UBE2K: variants seen among roughly 807,000 people sequenced by gnomAD.
UBE2K encodes ubiquitin conjugating enzyme E2 K, also known as ubiquitin-conjugating enzyme E2 K.
A neutral mutation model predicts 30.0 loss-of-function variants in UBE2K; 6 were observed. The ratio of observed to expected loss-of-function variants is 0.20; its 90% CI spans 0.11 to 0.39. UBE2K has a LOEUF of 0.39. Ranked by LOEUF, UBE2K falls within the 10% of genes least tolerant of loss-of-function variation. The pLI is 1.00. For missense variants in UBE2K, 61 were observed against 241.6 expected (o/e 0.25, Z 4.96); for synonymous variants, 86 against 83.7 (o/e 1.03, Z -0.15).
chr4:39,770,625 G>A (rs1712732721), intron 4 of UBE2K: 2 of 1,598,488 alleles, frequency 1.3e-6, no homozygotes, highest in Admixed American at 3.4e-5. Context: ...CTCCCCTTCT[G>A]CGTTCTCCGA....
intron 1 of UBE2K, among the ~76,000 whole-genome samples, chr4:39,712,930 A>G (rs1718795708): frequency 6.7e-6 from 1 of 148,442 alleles, no homozygotes; most frequent in African/African-American, 2.5e-5. Context: ...CCGTGGCGCG[A>G]TCTTGGCTCG....
intron 5 of UBE2K, 76 bp downstream of exon 5, chr4:39,775,009 C>T (rs1010646319): frequency 4.7e-6 from 4 of 851,970 alleles, no homozygotes; most frequent in Non-Finnish European, 5.2e-6. Flanking sequence ...TGCACATTAA[C>T]ACATGAGCAT....
intron 4 of UBE2K, chr4:39,771,002 T>C: frequency 6.2e-7 from 1 of 1,610,630 alleles, no homozygotes; most frequent in Admixed American, 1.7e-5. Context: ...GCGCTGACGC[T>C]GCTCACAAGG....
chr4:39,768,961 G>A (rs796254337), intron 4 of UBE2K, among the ~76,000 whole-genome samples: 14 of 152,216 alleles, frequency 9.2e-5, no homozygotes, highest in African/African-American at 3.1e-4. Context: ...AAATAGCTGG[G>A]ATTAGAGGTG....
Position 39,770,171 on chromosome 4 carries a change from A to G in UBE2K, c.300-4663A>G, listed in dbSNP as rs1315146767. ...CGTGTTGCTCCTTGAGATGCCGCCT[A>G]ATGGCAGGCTTGTGGGCGAAGCGCA... On this transcript the variant is annotated intron_variant, in intron 4 of 6. Coordinates refer to ENST00000261427, the MANE Select transcript of UBE2K (RefSeq NM_005339.5). 3.7e-6 allele frequency: 6 copies of G among 1,608,080 alleles called. No homozygotes were observed. The Admixed American group carries it at 1.0e-4, about 27-fold the overall frequency.
chr4:39,733,924 G>A (rs10012529), intron 1 of UBE2K, among the ~76,000 whole-genome samples: 101 of 152,158 alleles, frequency 6.6e-4, no homozygotes, highest in African/African-American at 2.4e-3. Context: ...TTCGCTTGTG[G>A]GAGCAGGGGG....
intron 4 of UBE2K, among the ~76,000 whole-genome samples, chr4:39,760,711 C>T (rs1711875709): frequency 6.6e-6 from 1 of 152,086 alleles, no homozygotes; most frequent in Admixed American, 6.6e-5. Flanking sequence ...TCCTGGCTAA[C>T]ACGGTGAAAC....
At chr4:39,746,833 C>T (rs1721010625) in intron 3 of UBE2K, among the ~76,000 whole-genome samples, 1 of 152,220 alleles carries the variant, frequency 6.6e-6, no homozygotes, top group Non-Finnish European at 1.5e-5. Context: ...TTCTCCCTCT[C>T]CTCTCTCAGT....
intron 6 of UBE2K, 83 bp downstream of exon 6, chr4:39,777,893 G>C: frequency 7.8e-7 from 1 of 1,289,474 alleles, no homozygotes. Context: ...AAGTGGTTTA[G>C]AAAATAAGAG....
intron 5 of UBE2K, among the ~76,000 whole-genome samples, chr4:39,776,044 T>C (rs1713266461): frequency 6.6e-6 from 1 of 152,214 alleles, no homozygotes; most frequent in Admixed American, 6.5e-5. Flanking sequence ...TGTTTAGGCT[T>C]GCCCTCTCTC....
At chr4:39,715,507 A>G (rs1719012336) in intron 1 of UBE2K, among the ~76,000 whole-genome samples, 1 of 150,302 alleles carries the variant, frequency 6.7e-6, no homozygotes, top group Non-Finnish European at 1.5e-5. Flanking sequence ...AGGGTTTTTC[A>G]CGATGTTGGC....
rs1321130665 is a variant in UBE2K, at chr4:39,781,876, G to A, written c.*3442G>A. The A allele has an allele frequency of 5.0e-6, 2 of 398,176 alleles. No homozygotes were observed. Among genetic ancestry groups the A allele is most frequent in the African/African-American group, 4.1e-5 (2 of 48,608 alleles). 24.7% of individuals were successfully genotyped at this position (398,176 alleles called of 1,614,324 possible). On this transcript the variant is annotated 3_prime_UTR_variant, in exon 7 of 7. Coordinates refer to ENST00000261427, the MANE Select transcript of UBE2K (RefSeq NM_005339.5). Reference sequence around the variant, plus strand: ...CCATTCTTTTTAGTATCAGTTTAAAGTAAATGCTTACCATCAGCCAGTTGC... The same window carrying A: ...CCATTCTTTTTAGTATCAGTTTAAAATAAATGCTTACCATCAGCCAGTTGC...
rs188384323 is a variant in UBE2K, at chr4:39,708,505, T to C, written c.63+10115T>C. 2.7e-3 allele frequency among the ~76,000 whole-genome samples: 415 copies of C among 152,208 alleles called. 2 individuals are homozygous for C. The highest frequency in any genetic ancestry group is 4.2e-3 in the Non-Finnish European group (285 of 67,968). ...TACCATGGGAATCTGCCTGCCTTTC[T>C]AGTTACTTTCCTGACTTCTAATAAC... is the stretch of plus-strand genomic sequence containing the variant. On this transcript the variant is annotated intron_variant, in intron 1 of 6. Coordinates refer to ENST00000261427, the MANE Select transcript of UBE2K (RefSeq NM_005339.5).
intron 1 of UBE2K, among the ~76,000 whole-genome samples, chr4:39,702,634 TAA>T (rs890713536): frequency 2.6e-5 from 4 of 152,176 alleles, no homozygotes; most frequent in African/African-American, 4.8e-5. Context: ...TATAGTACAT[TAA>T]GTTTTCCCTC....
At chr4:39,705,419 G>A (rs542521127) in intron 1 of UBE2K, among the ~76,000 whole-genome samples, 2 of 150,622 alleles carry the variant, frequency 1.3e-5, no homozygotes, top group Non-Finnish European at 3.0e-5. Context: ...GGCTGGTCTC[G>A]AACCCCTGAC....
chr4:39,719,772 T>G (rs1416384173), intron 1 of UBE2K, among the ~76,000 whole-genome samples: 1 of 152,248 alleles, frequency 6.6e-6, no homozygotes, highest in Non-Finnish European at 1.5e-5. Context: ...TTATGCTTTT[T>G]CTTAAATCAC....
In UBE2K at chr4:39,779,906, A is replaced by T. The variant is rs1023679998; in HGVS notation, c.*1472A>T. ...AAATTATAATCGTTAAATGTTTGGAAGATAATTTTTGAATCATAACGTCAG... is the reference window on the plus strand; with the variant it reads ...AAATTATAATCGTTAAATGTTTGGATGATAATTTTTGAATCATAACGTCAG... On this transcript the variant is annotated 3_prime_UTR_variant, in exon 7 of 7. Coordinates refer to ENST00000261427, the MANE Select transcript of UBE2K (RefSeq NM_005339.5). 1 of 152,180 alleles carries T rather than the reference A, an allele frequency of 6.6e-6. No homozygotes were observed. The highest frequency in any genetic ancestry group is 2.4e-5 in the African/African-American group (1 of 41,470). 9.4% of individuals were successfully genotyped at this position (152,180 alleles called of 1,614,324 possible). A position where few individuals can be genotyped will look rare whatever the true frequency, so the allele number is the denominator to read the frequency against.
intron 4 of UBE2K, chr4:39,770,763 C>T: frequency 6.3e-7 from 1 of 1,582,692 alleles, no homozygotes; most frequent in East Asian, 2.2e-5. Context: ...TCCCAGGCCT[C>T]CAGGGGGCTT....
intron 4 of UBE2K, among the ~76,000 whole-genome samples, chr4:39,772,873 A>G (rs977455599): frequency 3.3e-5 from 5 of 151,346 alleles, no homozygotes; most frequent in Admixed American, 3.3e-4. Context: ...TTTTTTGTAG[A>G]GATGAGGTTT....
Sources: gnomAD v4.1 joint callset for allele counts (sites outside exome capture counted in the v4.1 genomes callset) on GRCh38, gnomAD v4.1.1 for gene constraint, MANE v1.5 for transcripts, NCBI Gene and HGNC (gene_info 2026-07-23, HGNC 2026-07-21) for gene names.